NDEL1: variants seen among roughly 807,000 people sequenced by gnomAD.
The protein encoded by NDEL1 is nudE neurodevelopment protein 1 like 1, also known as nuclear distribution protein nudE-like 1.
Under a neutral mutation model 45.7 loss-of-function variants are expected in NDEL1, and 9 were observed. The ratio of observed to expected loss-of-function variants is 0.20; its 90% CI spans 0.12 to 0.34. NDEL1 has a LOEUF of 0.34. NDEL1 is among the 10% of genes least tolerant of loss of function. The probability of loss-of-function intolerance (pLI) is 1.00; values close to 1 mark genes in which losing one functional copy is unlikely to be tolerated. For missense variants in NDEL1, 306 were observed against 406.2 expected, an observed-to-expected ratio of 0.75 and a Z score of 2.12; for synonymous variants, 133 against 158.6, an observed-to-expected ratio of 0.84 and a Z score of 1.21.
chr17:8,436,761 C>T (rs1909373489), intron 1 of NDEL1: 1 of 152,258 alleles, frequency 6.6e-6, no homozygotes, highest in Admixed American at 6.5e-5. Context: ...TTTCAGAGCA[C>T]TCTTCTTCCT....
At chr17:8,443,430 A>G (rs1217227853) in intron 1 of NDEL1, among the ~76,000 whole-genome samples, 1 of 152,182 alleles carries the variant, frequency 6.6e-6, no homozygotes, top group Non-Finnish European at 1.5e-5. Flanking sequence ...CTCCAGGTAG[A>G]GAAAACCTGG....
intron 1 of NDEL1, among the ~76,000 whole-genome samples, chr17:8,421,203 C>T (rs1484188430): frequency 6.6e-6 from 1 of 152,078 alleles, no homozygotes; most frequent in Non-Finnish European, 1.5e-5. Context: ...TATGCAGAAA[C>T]AGCAAATAAT....
chr17:8,414,702 T>C (rs1210510186), intron 1 of NDEL1, among the ~76,000 whole-genome samples: 1 of 152,088 alleles, frequency 6.6e-6, no homozygotes, highest in African/African-American at 2.4e-5. Flanking sequence ...TATTTATTTA[T>C]TTGAGGCCGG....
rs1170092699 is a variant in NDEL1 at position 8,465,309 on chromosome 17, T to G, written c.945-1621T>G. The stretch of plus-strand genomic sequence containing the variant: ...GAGAGTGGGAAGGATGATTTCAAAC[T>G]TGCAAATGTGTTGAAGCTCAAAAAT... On this transcript the variant is annotated intron_variant, in intron 8 of 8. Transcript: ENST00000334527. The surrounding 1 kb of genome is among the most constrained non-coding windows in gnomAD (Gnocchi z 4.9). 6.6e-6 allele frequency: 1 copy of G among 152,202 alleles called. No homozygotes were observed. The highest frequency in any genetic ancestry group is 2.4e-5 in the African/African-American group (1 of 41,452). The allele number at this position is 152,202 out of a possible 1,614,324, so 9.4% of individuals were successfully genotyped here.
chr17:8,436,321 G>C, intron 1 of NDEL1: 1 of 159,224 alleles, frequency 6.3e-6, no homozygotes, highest in Non-Finnish European at 1.4e-5. Context: ...GGTAGGGTGA[G>C]GGCTGGCGGT....
At chr17:8,469,649 T>A (rs988640272), downstream of NDEL1, among the ~76,000 whole-genome samples, 2 of 151,934 alleles carry the variant, frequency 1.3e-5, no homozygotes, top group East Asian at 1.9e-4. Context: ...ATTAAAAAAA[T>A]TTTTGTCCTA....
Position 8,435,927 on chromosome 17 carries a change from GAGT to G in NDEL1, c.-130_-128del. ...GAGGAGCCGGGCGCGGAGGTACGCTGAGTGGAGCTCGGGGCTGCGTAGGGGAGC... is the reference window on the plus strand; with the variant it reads ...GAGGAGCCGGGCGCGGAGGTACGCTGGGAGCTCGGGGCTGCGTAGGGGAGC... On this transcript the variant is annotated 5_prime_UTR_variant, in exon 1 of 9. Coordinates refer to ENST00000334527, the MANE Select transcript of NDEL1 (RefSeq NM_030808.5). 1 of 448,294 alleles carries G rather than the reference GAGT, an allele frequency of 2.2e-6. No homozygotes were observed. Among genetic ancestry groups the G allele is most frequent in the Non-Finnish European group, 4.5e-6 (1 of 223,234 alleles). 27.8% of individuals were successfully genotyped at this position (448,294 alleles called of 1,614,324 possible). A position where few individuals can be genotyped will look rare whatever the true frequency, so the allele number is the denominator to read the frequency against.
chr17:8,435,099 A>AC (rs201496899), upstream of NDEL1, among the ~76,000 whole-genome samples: 6 of 151,762 alleles, frequency 4.0e-5, no homozygotes, highest in South Asian at 2.1e-4. Context: ...AAACAAACAA[A>AC]AACCAAGATG....
chr17:8,473,528 T>TACACTCTTGGATAAGATACTGG, intron 3 of NDEL1, among the ~76,000 whole-genome samples: 1 of 152,138 alleles, frequency 6.6e-6, no homozygotes, highest in Non-Finnish European at 1.5e-5. Context: ...CTGAATTCTG[T>TACACTCTTGGATAAGATACTGG]ACACTCTTGG....
At chr17:8,447,989 G>T (rs1346146154) in intron 4 of NDEL1, among the ~76,000 whole-genome samples, 2 of 148,594 alleles carry the variant, frequency 1.3e-5, no homozygotes, top group Non-Finnish European at 3.0e-5. Context: ...GGGCGGGGGG[G>T]GGGCAGTGGG....
intron 6 of NDEL1, among the ~76,000 whole-genome samples, chr17:8,452,018 A>T (rs960349418): frequency 9.2e-5 from 14 of 152,184 alleles, no homozygotes; most frequent in Non-Finnish European, 1.3e-4. Flanking sequence ...AGGTAATTCA[A>T]CTTGTCTTTG....
At chr17:8,448,356 T>A (rs1269681477) in intron 4 of NDEL1, among the ~76,000 whole-genome samples, 194 bp from the exon 5 acceptor site, 3 of 151,956 alleles carry the variant, frequency 2.0e-5, no homozygotes, top group Non-Finnish European at 4.4e-5. Flanking sequence ...TAAAAGAATG[T>A]ATTGTATATA....
chr17:8,415,102 TCCTC>T (rs143550449), intron 1 of NDEL1, among the ~76,000 whole-genome samples: 80 of 148,888 alleles, frequency 5.4e-4, no homozygotes, highest in African/African-American at 1.6e-3. Flanking sequence ...CTTCCTTTCT[TCCTC>T]CCTCCCTCCC....
intron 1 of NDEL1, among the ~76,000 whole-genome samples, chr17:8,428,244 CA>C (rs1908887466): frequency 6.6e-6 from 1 of 151,880 alleles, no homozygotes; most frequent in Admixed American, 6.6e-5. Context: ...CCTCAGCAGG[CA>C]CTAAACTCCT....
chr17:8,458,282 C>T (rs558920457), intron 7 of NDEL1, among the ~76,000 whole-genome samples: 2 of 152,004 alleles, frequency 1.3e-5, no homozygotes, highest in Admixed American at 1.3e-4. Flanking sequence ...ATCTGCTCAC[C>T]CTTTCGATAT....
At chr17:8,459,182 TA>T (rs1911041052) in intron 7 of NDEL1, among the ~76,000 whole-genome samples, 1 of 152,228 alleles carries the variant, frequency 6.6e-6, no homozygotes, top group Admixed American at 6.5e-5. Context: ...GAATTGTGTA[TA>T]TATATATTTT....
intron 1 of NDEL1, among the ~76,000 whole-genome samples, chr17:8,422,372 G>A (rs1451206459): frequency 1.3e-5 from 2 of 151,864 alleles, no homozygotes; most frequent in African/African-American, 2.4e-5. Flanking sequence ...GCAGTGGTGC[G>A]ATCTTGGCTC....
Position 8,454,753 on chromosome 17 carries a change from A to G in NDEL1, c.701-43A>G, listed in dbSNP as rs778937496. ...CATCAACAACAAAACCCAAATGTAA[A>G]GGGAACTGCAAGTGTAATCACTCAG... On this transcript the variant is annotated intron_variant, in intron 6 of 8. Transcript: ENST00000334527. 2.7e-6 allele frequency: 4 copies of G among 1,476,866 alleles called. No individual in the cohort carries two copies. In the East Asian group the frequency reaches 9.1e-5, roughly 33 times the overall value. The allele number at this position is 1,476,866 out of a possible 1,614,324, so 91.5% of individuals were successfully genotyped here. A position where few individuals can be genotyped will look rare whatever the true frequency, so the allele number is the denominator to read the frequency against.
chr17:8,448,212 A>G (rs905266176), intron 4 of NDEL1, among the ~76,000 whole-genome samples: 4 of 152,208 alleles, frequency 2.6e-5, no homozygotes, highest in Non-Finnish European at 5.9e-5. Context: ...ACTCTTACAT[A>G]TATTACAAGT....
Sources: gnomAD v4.1 joint callset for allele counts (sites outside exome capture counted in the v4.1 genomes callset) on GRCh38, gnomAD v4.1.1 for gene constraint, Gnocchi (gnomAD v3.1) non-coding constraint, MANE v1.5 for transcripts, NCBI Gene and HGNC (gene_info 2026-07-23, HGNC 2026-07-21) for gene names.